The following TNFRSF13B variants were observed in gnomAD, a reference collection of about 807,000 sequenced individuals.
The protein encoded by TNFRSF13B is tumor necrosis factor receptor superfamily member 13B.
A neutral mutation model predicts 24.0 loss-of-function variants in TNFRSF13B; 34 were observed. That is an observed-to-expected ratio of 1.41 (90% CI 1.08 to 1.88). The LOEUF is 1.88. Among genes scored for constraint, TNFRSF13B ranks in the 40% most tolerant of loss-of-function variants. TNFRSF13B has a pLI of 0.00. For synonymous variants in TNFRSF13B, 173 were observed against 150.3 expected (o/e 1.15, Z -1.10); for missense variants, 415 against 380.8 (o/e 1.09, Z -0.75).
At chr17:16,948,443 G>C (rs1463001100) in intron 3 of TNFRSF13B, among the ~76,000 whole-genome samples, 1 of 152,236 alleles carries the variant, frequency 6.6e-6, no homozygotes, top group East Asian at 1.9e-4. Context: ...ACACAGGTGG[G>C]TCTGCTGCTT....
At chr17:16,962,513 C>CA (rs1258634316) in intron 1 of TNFRSF13B, among the ~76,000 whole-genome samples, 31 of 139,126 alleles carry the variant, frequency 2.2e-4, no homozygotes, top group Non-Finnish European at 2.7e-4. Flanking sequence ...TCTCCCCCCC[C>CA]AAAAAAAAAG....
At chr17:16,941,279 T>C in intron 3 of TNFRSF13B, 4 of 987,738 alleles carry the variant, frequency 4.0e-6, no homozygotes, top group Non-Finnish European at 4.8e-6. Flanking sequence ...ACAGGCGACG[T>C]TACACTGAGA....
At chr17:16,971,232 T>C (rs1225160156) in intron 1 of TNFRSF13B, among the ~76,000 whole-genome samples, 1 of 151,732 alleles carries the variant, frequency 6.6e-6, no homozygotes, top group African/African-American at 2.4e-5. Flanking sequence ...ACCTATAATC[T>C]CAGCCACTCG....
rs754919920 is a variant in TNFRSF13B, at chr17:16,939,741, A to C, written c.688T>G (p.Cys230Gly). The change falls in exon 5 of 5, where the codon TGC becomes GGC. Residue 230 changes from cysteine (C) to glycine (G), a missense_variant. Transcript: ENST00000261652. ...CTGCACTCAGGGAAGCAGAAGCTGC[A>C]GGTCTCCACTGGCTCGGGGGATGTG... ...VSTSPEPVET[C>G]SFCFPECRAP... The C allele has an allele frequency of 6.2e-7, 1 of 1,608,174 alleles. No individual in the cohort carries two copies. The highest frequency in any genetic ancestry group is 2.2e-5 in the East Asian group (1 of 44,772).
intron 3 of TNFRSF13B, 49 bp downstream of exon 3, chr17:16,948,689 G>A (rs530469010): frequency 1.6e-5 from 26 of 1,612,152 alleles, no homozygotes; most frequent in African/African-American, 6.7e-5. Context: ...GGCCTCCCAC[G>A]CTTTCTCACC....
chr17:16,940,825 G>C, intron 3 of TNFRSF13B: 1 of 1,286,086 alleles, frequency 7.8e-7, no homozygotes, highest in South Asian at 1.6e-5. Context: ...ATCGACAGAC[G>C]AACAGACGAT....
At position 16,941,000 on chromosome 17, in the gene TNFRSF13B, C is replaced by T. The variant is rs754454774; in HGVS notation, c.446-489G>A. On this transcript the variant is annotated intron_variant, in intron 3 of 4. Transcript: ENST00000261652. ...GGATGTCCAAGTGCCTGATACAAGA[C>T]GGCCTGGCATTTGCATATAACCTAT... The T allele has an allele frequency of 3.6e-4, 339 of 954,518 alleles. 1 individual carries two copies. The highest frequency in any genetic ancestry group is 2.6e-4 in the Non-Finnish European group (206 of 781,112). The allele number at this position is 954,518 out of a possible 1,614,324, so 59.1% of individuals were successfully genotyped here. A position where few individuals can be genotyped will look rare whatever the true frequency, so the allele number is the denominator to read the frequency against.
At chr17:16,958,018 G>T (rs4985694) in intron 1 of TNFRSF13B, among the ~76,000 whole-genome samples, 267 of 151,860 alleles carry the variant, frequency 1.8e-3, no homozygotes, top group African/African-American at 6.2e-3. Flanking sequence ...TGATTTAATA[G>T]GCAATGAGTT....
chr17:16,971,230 T>C (rs1397877200), intron 1 of TNFRSF13B, among the ~76,000 whole-genome samples: 1 of 151,978 alleles, frequency 6.6e-6, no homozygotes, highest in Non-Finnish European at 1.5e-5. Context: ...GCACCTATAA[T>C]CTCAGCCACT....
chr17:16,939,923 C>T, intron 4 of TNFRSF13B, 126 bp from the exon 5 acceptor site: 2 of 1,332,140 alleles, frequency 1.5e-6, no homozygotes, highest in Non-Finnish European at 2.0e-6. Flanking sequence ...TAGAACGCCC[C>T]CAGACAGGTG....
chr17:16,970,770 G>A (rs925758333), intron 1 of TNFRSF13B, among the ~76,000 whole-genome samples: 3 of 152,176 alleles, frequency 2.0e-5, no homozygotes, highest in Non-Finnish European at 2.9e-5. Context: ...CCAGAGCACT[G>A]GGCAATTTCA....
intron 1 of TNFRSF13B, among the ~76,000 whole-genome samples, chr17:16,962,290 T>C (rs2087667822): frequency 6.7e-6 from 1 of 149,828 alleles, no homozygotes; most frequent in African/African-American, 2.4e-5. Flanking sequence ...GTGGATCATT[T>C]GAGGTCAGGA....
At chr17:16,964,981 A>G (rs1032568781) in intron 1 of TNFRSF13B, among the ~76,000 whole-genome samples, 14 of 152,198 alleles carry the variant, frequency 9.2e-5, no homozygotes, top group African/African-American at 2.9e-4. Context: ...AACTGGCCCA[A>G]GACATGGCTG....
At chr17:16,947,328 C>T (rs1301137149) in intron 3 of TNFRSF13B, among the ~76,000 whole-genome samples, 1 of 152,090 alleles carries the variant, frequency 6.6e-6, no homozygotes, top group East Asian at 1.9e-4. Context: ...AAAGCAATTG[C>T]AACAAAAACA....
rs766957464 is a variant in TNFRSF13B, at chr17:16,948,799, G to A, written c.384C>T (p.Asn128=). 12 of 1,614,078 alleles carry A rather than the reference G, an allele frequency of 7.4e-6. No individual in the cohort carries two copies. The African/African-American group carries it at 1.3e-4, about 18-fold the overall frequency. Residue 128 remains asparagine, a synonymous_variant, in exon 3 of 5, where the codon AAC becomes AAT. Coordinates refer to ENST00000261652, the MANE Select transcript of TNFRSF13B (RefSeq NM_012452.3). ...LRRQRSGEVE[N]NSDNSGRYQG... ...GGTACCTTCCCGAGTTGTCTGAATT[G>A]TTTTCAACTTCTCCACTCCGCTGTC... is the stretch of plus-strand genomic sequence containing the variant.
chr17:16,955,555 G>T (rs557311971), intron 1 of TNFRSF13B, among the ~76,000 whole-genome samples: 1 of 152,356 alleles, frequency 6.6e-6, no homozygotes. Flanking sequence ...CAGGAGCTCC[G>T]AAGGTTGACT....
At chr17:16,961,159 C>G (rs942015405) in intron 1 of TNFRSF13B, among the ~76,000 whole-genome samples, 8 of 152,156 alleles carry the variant, frequency 5.3e-5, no homozygotes, top group Admixed American at 2.6e-4. Flanking sequence ...GAATGTATAA[C>G]AGAGCAACAG....
In TNFRSF13B at chr17:16,945,136, C is replaced by T. The variant is rs139381133; in HGVS notation, c.445+3602G>A. 5.8e-4 allele frequency among the ~76,000 whole-genome samples: 88 copies of T among 152,342 alleles called. No homozygotes were observed. The South Asian group carries it at 0.015, about 26-fold the overall frequency. ...CGACAGTCACAGAGCCACCAAAAGC[C>T]GCGCCATGGCACAAGTGTGGCAGCT... On this transcript the variant is annotated intron_variant, in intron 3 of 4. Coordinates refer to ENST00000261652, the MANE Select transcript of TNFRSF13B (RefSeq NM_012452.3).
Position 16,939,357 on chromosome 17 carries a change from C to T in TNFRSF13B, c.*190G>A, listed in dbSNP as rs548644843. The stretch of plus-strand genomic sequence containing the variant: ...TCTCTTTCCTTCTCTGCCTCTTTCC[C>T]TCTCTGCCTCTCTTCCCCTCTGTCT... On this transcript the variant is annotated 3_prime_UTR_variant, in exon 5 of 5. Coordinates refer to ENST00000261652, the MANE Select transcript of TNFRSF13B (RefSeq NM_012452.3). The T allele has an allele frequency of 2.6e-5, 17 of 650,532 alleles. No individual in the cohort carries two copies. In the East Asian group the frequency reaches 2.8e-4, roughly 11 times the overall value. The allele number at this position is 650,532 out of a possible 1,614,324, so 40.3% of individuals were successfully genotyped here.
Sources: gnomAD v4.1 joint callset for allele counts (sites outside exome capture counted in the v4.1 genomes callset) on GRCh38, gnomAD v4.1.1 for gene constraint, MANE v1.5 for transcripts, NCBI Gene and HGNC (gene_info 2026-07-23, HGNC 2026-07-21) for gene names.